PRKAG2: variants seen among roughly 807,000 people sequenced by gnomAD.
The protein encoded by PRKAG2 is 5'-AMP-activated protein kinase subunit gamma-2.
Under a neutral mutation model 69.6 loss-of-function variants are expected in PRKAG2, and 26 were observed. The ratio of observed to expected loss-of-function variants is 0.37; its 90% CI spans 0.27 to 0.52. The LOEUF (loss-of-function observed/expected upper bound fraction) is 0.52, where lower values mean the gene tolerates loss of function less well. PRKAG2 is among the 20% of genes least tolerant of loss of function. The pLI is 0.90. For synonymous variants in PRKAG2, 293 were observed against 285.0 expected, an observed-to-expected ratio of 1.03 and a Z score of -0.28; for missense variants, 557 against 740.0, an observed-to-expected ratio of 0.75 and a Z score of 2.87.
intron 1 of PRKAG2, among the ~76,000 whole-genome samples, chr7:151,852,014 C>CT (rs146814444): frequency 5.3e-5 from 8 of 152,254 alleles, no homozygotes; most frequent in African/African-American, 1.9e-4. Flanking sequence ...TCGCCTGTCC[C>CT]GTGCCTGCTC....
At position 151,793,073 on chromosome 7, in the gene PRKAG2, G is replaced by A. The variant is rs374457597; in HGVS notation, c.115-6532C>T. ...AACCTGTGAAGATGCCTTGTAGCTC[G>A]CACGTTCTCTGTTTTTACCCACTGA... is the stretch of plus-strand genomic sequence containing the variant. On this transcript the variant is annotated intron_variant, in intron 1 of 15. Coordinates refer to ENST00000287878, the MANE Select transcript of PRKAG2 (RefSeq NM_016203.4). Among the ~76,000 whole-genome samples the A allele has an allele frequency of 9.9e-4, 151 of 152,024 alleles. 1 individual carries two copies. Among genetic ancestry groups the A allele is most frequent in the African/African-American group, 3.5e-3 (146 of 41,286 alleles).
chr7:151,801,107 A>G (rs4726098), intron 1 of PRKAG2, among the ~76,000 whole-genome samples: 21,675 of 152,200 alleles, frequency 0.14, 2,127 homozygotes, highest in East Asian at 0.28. Context: ...CCAGGCCTGG[A>G]CCACCCACCC....
chr7:151,859,938 G>C (rs2079875673), intron 1 of PRKAG2, among the ~76,000 whole-genome samples: 1 of 152,210 alleles, frequency 6.6e-6, no homozygotes, highest in South Asian at 2.1e-4. Flanking sequence ...GAGGGACGCA[G>C]GGTTGCAGGA....
intron 3 of PRKAG2, among the ~76,000 whole-genome samples, chr7:151,731,492 G>A (rs990867248): frequency 6.6e-6 from 1 of 151,902 alleles, no homozygotes; most frequent in African/African-American, 2.4e-5. Flanking sequence ...GGGGCTGCAG[G>A]GCCTTGATTT....
intron 3 of PRKAG2, among the ~76,000 whole-genome samples, chr7:151,725,814 T>A (rs561661135): frequency 0.01 from 1,524 of 152,158 alleles, 26 homozygotes; most frequent in African/African-American, 0.035. Context: ...CTGCCACTGG[T>A]GGGAGAAGAA....
chr7:151,564,554 G>C (rs1344923340), intron 13 of PRKAG2, among the ~76,000 whole-genome samples: 1 of 152,176 alleles, frequency 6.6e-6, no homozygotes, highest in Non-Finnish European at 1.5e-5. Flanking sequence ...TGAAATCTCT[G>C]GCAAGGTGGG....
chr7:151,654,098 TTCTTTATCTGTTTTTGGACAGACAAAC>T (rs1215053232), intron 4 of PRKAG2, among the ~76,000 whole-genome samples: 2 of 136,206 alleles, frequency 1.5e-5, no homozygotes, highest in Non-Finnish European at 3.2e-5. Context: ...TGCTGGGGTT[TTCTTTATCTGTTTTTGGACAGACAAAC>T]CCATCCTTTT....
At chr7:151,644,841 G>C (rs1827297115) in intron 4 of PRKAG2, among the ~76,000 whole-genome samples, 1 of 152,114 alleles carries the variant, frequency 6.6e-6, no homozygotes, top group Non-Finnish European at 1.5e-5. Context: ...ATCAATGCTT[G>C]GTATGGTCTC....
intron 3 of PRKAG2, among the ~76,000 whole-genome samples, chr7:151,762,778 CAA>C (rs951638074): frequency 4.6e-5 from 7 of 152,182 alleles, no homozygotes; most frequent in Non-Finnish European, 1.0e-4. Flanking sequence ...GTGGGGGACA[CAA>C]GAGAGGTCCA....
At chr7:151,560,497 G>A in intron 15 of PRKAG2, 27 bp downstream of exon 15, 1 of 1,614,028 alleles carries the variant, frequency 6.2e-7, no homozygotes, top group Non-Finnish European at 8.5e-7. Context: ...AGACGCCGAT[G>A]GCAAAGGTCA....
Position 151,814,860 on chromosome 7 carries a change from G to T in PRKAG2, c.115-28319C>A, listed in dbSNP as rs558422708. 9.9e-5 allele frequency: 122 copies of T among 1,231,774 alleles called. 1 individual carries two copies. The African/African-American group carries it at 1.7e-3, about 17-fold the overall frequency. The allele number at this position is 1,231,774 out of a possible 1,614,324, so 76.3% of individuals were successfully genotyped here. A position where few individuals can be genotyped will look rare whatever the true frequency, so the allele number is the denominator to read the frequency against. ...ATTCCCACCTGTGTCAGGCGCTGCT[G>T]GGGAGGAAACTCCTTACCACACAGC... is the stretch of plus-strand genomic sequence containing the variant. On this transcript the variant is annotated intron_variant, in intron 1 of 15. Transcript: ENST00000287878. This position sits in a 1 kb window ranked among gnomAD's most constrained non-coding sequence, Gnocchi z 4.8.
Position 151,814,498 on chromosome 7 carries a change from C to A in PRKAG2, c.115-27957G>T, listed in dbSNP as rs917234035. ...TTGTAAGCTGCTGGATGGCAGGATG[C>A]GAGTGACGGGGACGGGCGGCACTCC... is the stretch of plus-strand genomic sequence containing the variant. On this transcript the variant is annotated intron_variant, in intron 1 of 15. Transcript: ENST00000287878. This position sits in a 1 kb window ranked among gnomAD's most constrained non-coding sequence, Gnocchi z 4.8. The A allele has an allele frequency of 4.9e-6, 6 of 1,230,594 alleles. No homozygotes were observed. The highest frequency in any genetic ancestry group is 6.1e-6 in the Non-Finnish European group (6 of 987,804). 76.2% of individuals were successfully genotyped at this position (1,230,594 alleles called of 1,614,324 possible). A position where few individuals can be genotyped will look rare whatever the true frequency, so the allele number is the denominator to read the frequency against.
chr7:151,861,001 C>T (rs1415503493), intron 1 of PRKAG2, among the ~76,000 whole-genome samples: 2 of 152,190 alleles, frequency 1.3e-5, no homozygotes, highest in African/African-American at 2.4e-5. Context: ...CACCCCAAGA[C>T]TTTGCCTTCA....
Position 151,867,797 on chromosome 7 carries a change from G to C in PRKAG2, c.114+8710C>G, listed in dbSNP as rs532334742. 3.3e-5 allele frequency among the ~76,000 whole-genome samples: 5 copies of C among 152,266 alleles called. No homozygotes were observed. The East Asian group carries it at 9.7e-4, about 29-fold the overall frequency. ...TAACCCTGCGTAAACATAGTTCTTA[G>C]CAATGGCTCTCTATTTCTTTATTCA... On this transcript the variant is annotated intron_variant, in intron 1 of 15. Coordinates refer to ENST00000287878, the MANE Select transcript of PRKAG2 (RefSeq NM_016203.4).
chr7:151,654,636 A>C (rs1829121974), intron 4 of PRKAG2, among the ~76,000 whole-genome samples: 1 of 152,166 alleles, frequency 6.6e-6, no homozygotes, highest in South Asian at 2.1e-4. Context: ...AGTGCCAGAG[A>C]CAGTAAAGGG....
At chr7:151,621,951 G>T (rs1207113958) in intron 5 of PRKAG2, among the ~76,000 whole-genome samples, 1 of 152,080 alleles carries the variant, frequency 6.6e-6, no homozygotes, top group East Asian at 1.9e-4. Context: ...CTAAAGCTTT[G>T]CATTTTCTCC....
Position 151,599,688 on chromosome 7 carries a change from G to A in PRKAG2, c.755-4234C>T, listed in dbSNP as rs76795382. ...CACCATCGGGTTTGGACTCCTATGAGACACTAAAGCTGTCCCTAATCTGAG... is the reference window on the plus strand; with the variant it reads ...CACCATCGGGTTTGGACTCCTATGAAACACTAAAGCTGTCCCTAATCTGAG... On this transcript the variant is annotated intron_variant, in intron 5 of 15. Coordinates refer to ENST00000287878, the MANE Select transcript of PRKAG2 (RefSeq NM_016203.4). Among the ~76,000 whole-genome samples, 124 of 152,262 alleles carry A rather than the reference G, an allele frequency of 8.1e-4. 4 individuals are homozygous for A. In the East Asian group the frequency reaches 0.023, roughly 28 times the overall value.
intron 1 of PRKAG2, among the ~76,000 whole-genome samples, chr7:151,793,322 A>G (rs367871715): frequency 2.6e-5 from 4 of 152,172 alleles, no homozygotes; most frequent in Non-Finnish European, 5.9e-5. Flanking sequence ...TCACAACGCT[A>G]TCTAGGTGAG....
At chr7:151,864,580 T>C (rs1405805973) in intron 1 of PRKAG2, among the ~76,000 whole-genome samples, 1 of 152,242 alleles carries the variant, frequency 6.6e-6, no homozygotes, top group East Asian at 1.9e-4. Flanking sequence ...CTATTACCTA[T>C]GCCCCAAGGT....
Sources: allele counts gnomAD v4.1 joint callset (sites outside exome capture counted in the v4.1 genomes callset), GRCh38; gene constraint gnomAD v4.1.1; non-coding constraint Gnocchi (gnomAD v3.1); transcripts MANE v1.5; gene names NCBI Gene and HGNC (gene_info 2026-07-23, HGNC 2026-07-21).